The following ZNF644 variants were observed in gnomAD, a reference collection of about 807,000 sequenced individuals.
ZNF644 encodes the protein zinc finger protein 644, also known as zinc finger motif enhancer binding protein 2.
A neutral mutation model predicts 108.0 loss-of-function variants in ZNF644; 20 were observed. The ratio of observed to expected loss-of-function variants is 0.19; its 90% confidence interval spans 0.13 to 0.27. The LOEUF (loss-of-function observed/expected upper bound fraction) is 0.27, where lower values mean the gene tolerates loss of function less well. Among genes scored for constraint, ZNF644 ranks in the 10% least tolerant of loss-of-function variants. The pLI, the probability that ZNF644 is intolerant of heterozygous loss-of-function variation, is 1.00. For missense variants in ZNF644, 1,338 were observed against 1,548.9 expected (o/e 0.86, Z 2.29); for synonymous variants, 542 against 539.1 (o/e 1.01, Z -0.08).
chr1:90,917,867 T>C (rs1197839424), intron 5 of ZNF644, among the ~76,000 whole-genome samples, 185 bp downstream of exon 5: 2 of 152,230 alleles, frequency 1.3e-5, no homozygotes, highest in South Asian at 2.1e-4. Flanking sequence ...ACTTGATTCA[T>C]TAGTTGTTGA....
chr1:90,923,768 C>T (rs966062236), intron 4 of ZNF644, among the ~76,000 whole-genome samples: 20 of 152,096 alleles, frequency 1.3e-4, no homozygotes, highest in African/African-American at 4.6e-4. Context: ...GGATGAAATG[C>T]AAAATACCTG....
chr1:90,933,128 G>A (rs184161181), intron 4 of ZNF644, among the ~76,000 whole-genome samples: 2 of 152,228 alleles, frequency 1.3e-5, no homozygotes, highest in East Asian at 1.9e-4. Context: ...TTATTTATAA[G>A]TAATTAATCC....
chr1:91,016,136 T>G (rs1660414028), intron 1 of ZNF644, among the ~76,000 whole-genome samples: 1 of 152,184 alleles, frequency 6.6e-6, no homozygotes, highest in African/African-American at 2.4e-5. Context: ...GTGTGTAAAG[T>G]ATTTAGTGAG....
intron 4 of ZNF644, among the ~76,000 whole-genome samples, chr1:90,929,944 A>G (rs921392320): frequency 1.3e-5 from 2 of 152,256 alleles, no homozygotes; most frequent in Non-Finnish European, 2.9e-5. Context: ...TGGATAAGTC[A>G]TTTGTTGTAG....
intron 2 of ZNF644, among the ~76,000 whole-genome samples, chr1:90,966,653 G>A (rs1374058820): frequency 6.6e-6 from 1 of 151,230 alleles, no homozygotes. Context: ...GGGAGGCTGA[G>A]GCAGGAGAAT....
intron 1 of ZNF644, among the ~76,000 whole-genome samples, chr1:90,987,214 G>C (rs970475701): frequency 6.0e-5 from 8 of 133,140 alleles, no homozygotes; most frequent in Non-Finnish European, 9.7e-5. Flanking sequence ...TGAAGACAAG[G>C]AAAGAAAAAA....
chr1:90,948,687 GA>G (rs892958362), intron 2 of ZNF644, among the ~76,000 whole-genome samples: 8 of 152,080 alleles, frequency 5.3e-5, no homozygotes, highest in Non-Finnish European at 1.2e-4. Context: ...TATATTCATC[GA>G]AAAAAATCCA....
At chr1:90,962,293 C>A (rs1047405514) in intron 2 of ZNF644, among the ~76,000 whole-genome samples, 9 of 151,876 alleles carry the variant, frequency 5.9e-5, no homozygotes, top group Non-Finnish European at 2.9e-5. Flanking sequence ...AGTGTTGGTG[C>A]TTTAGATAGA....
chr1:90,956,369 A>C (rs1474076054), intron 2 of ZNF644, among the ~76,000 whole-genome samples: 1 of 152,374 alleles, frequency 6.6e-6, no homozygotes, highest in East Asian at 1.9e-4. Context: ...TGTATAAGAC[A>C]CAATATACGA....
chr1:90,946,677 C>T (rs1652546885), intron 2 of ZNF644, among the ~76,000 whole-genome samples: 1 of 151,990 alleles, frequency 6.6e-6, no homozygotes, highest in African/African-American at 2.4e-5. Flanking sequence ...CAACACACTG[C>T]CACAGAGCTA....
chr1:90,927,929 C>T (rs756768552), intron 4 of ZNF644, among the ~76,000 whole-genome samples: 10 of 151,930 alleles, frequency 6.6e-5, no homozygotes, highest in Non-Finnish European at 1.5e-4. Context: ...CTGCAATCTC[C>T]ACCTCTCAGG....
chr1:90,981,052 T>C (rs1277794639), intron 2 of ZNF644, among the ~76,000 whole-genome samples: 2 of 152,024 alleles, frequency 1.3e-5, no homozygotes. Flanking sequence ...CCACAAGCAA[T>C]ATCAAACATA....
At chr1:90,990,592 G>A (rs12741434) in intron 1 of ZNF644, among the ~76,000 whole-genome samples, 24,588 of 152,136 alleles carry the variant, frequency 0.16, 2,220 homozygotes, top group Middle Eastern at 0.28. Context: ...AGGAGACTGA[G>A]CTAAAAGCCT....
chr1:90,958,891 T>C (rs1396831400), intron 2 of ZNF644, among the ~76,000 whole-genome samples: 1 of 152,184 alleles, frequency 6.6e-6, no homozygotes, highest in Non-Finnish European at 1.5e-5. Context: ...TGGATCCTCA[T>C]GACTCTTGAT....
intron 1 of ZNF644, among the ~76,000 whole-genome samples, chr1:91,017,059 C>A (rs1449162552): frequency 1.3e-5 from 2 of 152,184 alleles, no homozygotes; most frequent in Non-Finnish European, 2.9e-5. Context: ...TCTCAAACTC[C>A]TGACCTCAAG....
At chr1:90,922,679 T>C (rs757444561) in intron 4 of ZNF644, among the ~76,000 whole-genome samples, 1 of 152,110 alleles carries the variant, frequency 6.6e-6, no homozygotes, top group Non-Finnish European at 1.5e-5. Flanking sequence ...GACTATTTCA[T>C]CACCCAGGCA....
At chr1:90,919,137 T>C (rs1649140455) in intron 4 of ZNF644, among the ~76,000 whole-genome samples, 1 of 152,154 alleles carries the variant, frequency 6.6e-6, no homozygotes, top group African/African-American at 2.4e-5. Flanking sequence ...TAACATTTTA[T>C]AGGTCTTTGA....
At chr1:90,997,905 C>T (rs1465779994) in intron 1 of ZNF644, among the ~76,000 whole-genome samples, 8 of 152,234 alleles carry the variant, frequency 5.3e-5, no homozygotes, top group African/African-American at 1.7e-4. Flanking sequence ...TTATATCCCT[C>T]GCGTGGCTTG....
intron 2 of ZNF644, among the ~76,000 whole-genome samples, chr1:90,949,913 A>G (rs1184772172): frequency 6.6e-6 from 1 of 152,092 alleles, no homozygotes; most frequent in Non-Finnish European, 1.5e-5. Flanking sequence ...TATGTGGCTA[A>G]GGAGAATGTT....
Sources: gnomAD v4.1 joint callset for allele counts (sites outside exome capture counted in the v4.1 genomes callset) on GRCh38, gnomAD v4.1.1 for gene constraint, MANE v1.5 for transcripts, NCBI Gene and HGNC (gene_info 2026-07-23, HGNC 2026-07-21) for gene names.